SCAF8: variants seen among roughly 807,000 people sequenced by gnomAD.
The protein encoded by SCAF8 is SR-related and CTD-associated factor 8.
A neutral mutation model predicts 140.5 loss-of-function variants in SCAF8; 23 were observed. The observed-to-expected ratio is 0.16, with a 90% CI of 0.12 to 0.23. The LOEUF is 0.23. Among genes scored for constraint, SCAF8 ranks in the 10% least tolerant of loss-of-function variants. SCAF8 has a pLI of 1.00. For missense variants in SCAF8, 1,397 were observed against 1,555.7 expected (o/e 0.90, Z 1.72); for synonymous variants, 575 against 528.9 (o/e 1.09, Z -1.20).
chr6:154,827,834 CGG>C (rs36065536), intron 18 of SCAF8, among the ~76,000 whole-genome samples: 1,122 of 81,336 alleles, frequency 0.014, 26 homozygotes, highest in African/African-American at 0.048. Context: ...TGGGGCGGGG[CGG>C]GGGGGGGGGC....
chr6:154,746,901 T>C (rs1398327294), intron 1 of SCAF8, among the ~76,000 whole-genome samples: 1 of 152,234 alleles, frequency 6.6e-6, no homozygotes, highest in Admixed American at 6.5e-5. Context: ...TAAATTAACT[T>C]TAATCATTTA....
At chr6:154,824,122 T>C (rs1778496581) in intron 16 of SCAF8, 112 bp from the exon 17 acceptor site, 2 of 1,090,780 alleles carry the variant, frequency 1.8e-6, no homozygotes, top group East Asian at 2.4e-5. Flanking sequence ...TAAAACCCTT[T>C]TTAGTAGTAT....
intron 1 of SCAF8, among the ~76,000 whole-genome samples, chr6:154,762,511 A>G (rs1425142758): frequency 6.6e-6 from 1 of 152,094 alleles, no homozygotes; most frequent in African/African-American, 2.4e-5. Context: ...GTCCCACCAT[A>G]TTCATAGGTC....
At chr6:154,808,862 C>T in intron 11 of SCAF8, 64 bp downstream of exon 11, 2 of 1,088,210 alleles carry the variant, frequency 1.8e-6, no homozygotes, top group Non-Finnish European at 2.8e-6. Flanking sequence ...TATTTCTTTG[C>T]ATCAGGATGA....
intron 4 of SCAF8, among the ~76,000 whole-genome samples, chr6:154,790,737 C>T (rs775339112): frequency 6.6e-6 from 1 of 151,930 alleles, no homozygotes; most frequent in African/African-American, 2.4e-5. Context: ...GTCTCGATCT[C>T]CTGACCTTGT....
intron 6 of SCAF8, among the ~76,000 whole-genome samples, chr6:154,800,867 A>C (rs555813189): frequency 2.9e-4 from 44 of 151,696 alleles, no homozygotes; most frequent in African/African-American, 8.7e-4. Flanking sequence ...TATTTTGGAA[A>C]CAATTCATAA....
chr6:154,783,368 G>T (rs1777140898), intron 3 of SCAF8, among the ~76,000 whole-genome samples: 1 of 152,086 alleles, frequency 6.6e-6, no homozygotes, highest in Non-Finnish European at 1.5e-5. Flanking sequence ...TGGTACTGTG[G>T]CTACTCTTAG....
intron 12 of SCAF8, among the ~76,000 whole-genome samples, chr6:154,811,050 T>C (rs892409307): frequency 6.6e-6 from 1 of 152,230 alleles, no homozygotes; most frequent in African/African-American, 2.4e-5. Flanking sequence ...AGCCATCTTC[T>C]TACTAAGTTT....
At chr6:154,827,316 A>G in intron 18 of SCAF8, 76 bp downstream of exon 18, 3 of 923,802 alleles carry the variant, frequency 3.2e-6, no homozygotes, top group Non-Finnish European at 5.0e-6. Flanking sequence ...ATTCTTGTGA[A>G]TTACCGTTAA....
At chr6:154,815,035 C>T (rs543664250) in intron 12 of SCAF8, among the ~76,000 whole-genome samples, 2 of 152,284 alleles carry the variant, frequency 1.3e-5, no homozygotes, top group African/African-American at 4.8e-5. Flanking sequence ...CGGTGGCTCA[C>T]GCCTGTTATC....
chr6:154,808,303 T>C (rs930054301), intron 10 of SCAF8, 102 bp downstream of exon 10: 4 of 1,164,480 alleles, frequency 3.4e-6, no homozygotes, highest in African/African-American at 3.1e-5. Context: ...TTTCCCACAC[T>C]TAAGCTCCAC....
intron 4 of SCAF8, among the ~76,000 whole-genome samples, chr6:154,792,341 C>G (rs1777445797): frequency 6.6e-6 from 1 of 152,162 alleles, no homozygotes. Context: ...GCCCTCTCCT[C>G]AAGTAGATTG....
rs1256002644 is a variant in SCAF8, at chr6:154,832,227, T to G, written c.2648T>G (p.Val883Gly). 3.1e-6 allele frequency: 5 copies of G among 1,614,132 alleles called. 1 individual carries two copies. In the South Asian group the frequency reaches 5.5e-5, roughly 18 times the overall value. Residue 883 changes from valine (V) to glycine (G), a missense_variant, in exon 20 of 20, where the codon GTA becomes GGA. Val to Gly is a moderately radical substitution (Grantham distance 109, BLOSUM62 -3). Around this residue, in one of 5 missense-constraint regions of SCAF8, gnomAD observed 930 missense variants for 874.6 expected, o/e 1.06. Transcript: ENST00000367178. ...PPNIPNNSGL[V>G]GVQPPNVPNT... ...AATATACCTAACAATTCTGGACTTG[T>G]AGGAGTACAGCCACCAAATGTTCCA... is the stretch of plus-strand genomic sequence containing the variant.
intron 1 of SCAF8, among the ~76,000 whole-genome samples, chr6:154,768,447 A>C (rs1006310725): frequency 6.6e-6 from 1 of 152,230 alleles, no homozygotes; most frequent in Non-Finnish European, 1.5e-5. Context: ...GGTTAACATC[A>C]CATGGCATTT....
At chr6:154,750,776 A>G (rs560036299) in intron 1 of SCAF8, among the ~76,000 whole-genome samples, 1 of 152,338 alleles carries the variant, frequency 6.6e-6, no homozygotes, top group Non-Finnish European at 1.5e-5. Context: ...GTGCATTTAA[A>G]GACTCCATCA....
intron 2 of SCAF8, among the ~76,000 whole-genome samples, chr6:154,776,297 G>GTATA (rs763251453): frequency 2.3e-5 from 1 of 43,214 alleles, no homozygotes; most frequent in Non-Finnish European, 4.2e-5. Flanking sequence ...GTGTATATAT[G>GTATA]TATATATATA....
chr6:154,753,109 A>G (rs1038277062), intron 1 of SCAF8, among the ~76,000 whole-genome samples: 1 of 151,784 alleles, frequency 6.6e-6, no homozygotes, highest in Non-Finnish European at 1.5e-5. Flanking sequence ...TGGGCAGATC[A>G]CCTGAGGTCA....
At chr6:154,765,965 C>T (rs1322856416) in intron 1 of SCAF8, among the ~76,000 whole-genome samples, 1 of 152,054 alleles carries the variant, frequency 6.6e-6, no homozygotes, top group African/African-American at 2.4e-5. Context: ...TCTTCCCCAA[C>T]TAATAATAGA....
Position 154,832,371 on chromosome 6 carries a change from T to C in SCAF8, c.2792T>C (p.Ile931Thr). The C allele has an allele frequency of 6.2e-7, 1 of 1,614,056 alleles. No individual in the cohort carries two copies. Among genetic ancestry groups the C allele is most frequent in the Non-Finnish European group, 8.5e-7 (1 of 1,180,020 alleles). Residue 931 changes from isoleucine (I) to threonine (T), a missense_variant, in exon 20 of 20, where the codon ATA becomes ACA. Around this residue, in one of 5 missense-constraint regions of SCAF8, gnomAD observed 930 missense variants for 874.6 expected, o/e 1.06. Coordinates refer to ENST00000367178, the MANE Select transcript of SCAF8 (RefSeq NM_014892.5). ...ATGTTAGACATTCGTCCGGGACTAATACCACAGGCACCTGGGCCAAGATTC... is the reference window on the plus strand; with the variant it reads ...ATGTTAGACATTCGTCCGGGACTAACACCACAGGCACCTGGGCCAAGATTC... ...MPMLDIRPGLIPQAPGPRFPL... is the reference protein window; with the variant it reads ...MPMLDIRPGLTPQAPGPRFPL...
Sources: allele counts gnomAD v4.1 joint callset (sites outside exome capture counted in the v4.1 genomes callset), GRCh38; gene constraint gnomAD v4.1.1; regional missense constraint gnomAD v4.1.1; transcripts MANE v1.5; gene names NCBI Gene and HGNC (gene_info 2026-07-23, HGNC 2026-07-21).